ESR1: variants seen among roughly 807,000 people sequenced by gnomAD.
The protein encoded by ESR1 is estrogen receptor.
ESR1 carries 12 observed loss-of-function variants against 52.7 expected under a neutral mutation model. That is an observed-to-expected ratio of 0.23 (90% CI 0.15 to 0.37). The LOEUF (loss-of-function observed/expected upper bound fraction) is 0.37, where lower values mean the gene tolerates loss of function less well. ESR1 is among the 10% of genes least tolerant of loss of function. The probability of loss-of-function intolerance (pLI) is 1.00; values close to 1 mark genes in which losing one functional copy is unlikely to be tolerated. For synonymous variants in ESR1, 305 were observed against 316.8 expected, an observed-to-expected ratio of 0.96 and a Z score of 0.39; for missense variants, 584 against 779.7, an observed-to-expected ratio of 0.75 and a Z score of 2.99.
chr6:151,718,399 G>A (rs1201486729), intron 2 of ESR1, among the ~76,000 whole-genome samples: 1 of 152,218 alleles, frequency 6.6e-6, no homozygotes, highest in Non-Finnish European at 1.5e-5. Flanking sequence ...CAAACAAGAA[G>A]TCTTGGCAAG....
chr6:152,125,441 A>G (rs2053063895), exon 7 of ESR1: 4 of 1,436,134 alleles, frequency 2.8e-6, no homozygotes, highest in Non-Finnish European at 3.7e-6. Flanking sequence ...TTACATGACC[A>G]TGGGCAAGTA....
intron 4 of ESR1, among the ~76,000 whole-genome samples, chr6:151,998,846 A>C (rs1400744974): frequency 1.3e-5 from 2 of 152,106 alleles, no homozygotes; most frequent in Non-Finnish European, 2.9e-5. Flanking sequence ...TCATGTAGCT[A>C]CATGCCATTG....
intron 2 of ESR1, among the ~76,000 whole-genome samples, chr6:151,762,903 G>A (rs1431063575): frequency 6.6e-6 from 1 of 152,074 alleles, no homozygotes; most frequent in East Asian, 1.9e-4. Flanking sequence ...TCACGCCACT[G>A]CACTCTAGCC....
chr6:151,804,284 C>A (rs1357106463), upstream of ESR1: 1 of 152,216 alleles, frequency 6.6e-6, no homozygotes. Context: ...AGTCTCTGAA[C>A]AATCAAAGCC....
intron 4 of ESR1, among the ~76,000 whole-genome samples, chr6:151,948,685 A>T (rs535163426): frequency 6.6e-6 from 1 of 152,086 alleles, no homozygotes; most frequent in Non-Finnish European, 1.5e-5. Context: ...CATTTACTTC[A>T]GGTTGCCTCC....
intron 3 of ESR1, among the ~76,000 whole-genome samples, chr6:151,935,490 C>T (rs535734818): frequency 9.2e-5 from 14 of 152,300 alleles, no homozygotes; most frequent in Admixed American, 2.6e-4. Context: ...TGTCCTATGT[C>T]CAGACTTCAC....
At chr6:151,924,465 A>G (rs1203281353) in intron 3 of ESR1, among the ~76,000 whole-genome samples, 4 of 151,994 alleles carry the variant, frequency 2.6e-5, no homozygotes, top group East Asian at 3.9e-4. Context: ...TTTGGGGTAC[A>G]TATGTACATT....
chr6:152,001,378 T>G (rs915884735), intron 4 of ESR1, among the ~76,000 whole-genome samples: 2 of 152,006 alleles, frequency 1.3e-5, no homozygotes, highest in Non-Finnish European at 2.9e-5. Context: ...AGGGGCTAAC[T>G]CACTTTGTAA....
rs2128984690 is a variant in ESR1 at position 152,070,464 on chromosome 6, A to G, written c.1369+9340A>G. ...TTTTAATGAATTTTTCTTTCCCTGT[A>G]AGACATACTATGAATTGTTCAATGG... On this transcript the variant is annotated intron_variant, in intron 6 of 7. Coordinates refer to ENST00000206249, the MANE Select transcript of ESR1 (RefSeq NM_000125.4). Among the ~76,000 whole-genome samples, 2 of 138,592 alleles carry G rather than the reference A, an allele frequency of 1.4e-5. 1 individual carries two copies. Among genetic ancestry groups the G allele is most frequent in the African/African-American group, 6.3e-5 (2 of 31,560 alleles). The allele number at this position is 138,592 out of a possible 152,430, so 90.9% of individuals were successfully genotyped here.
chr6:151,852,596 A>G (rs1786973675), intron 2 of ESR1, among the ~76,000 whole-genome samples: 1 of 151,924 alleles, frequency 6.6e-6, no homozygotes, highest in African/African-American at 2.4e-5. Flanking sequence ...TGCAGAAACA[A>G]ATATAAGCAT....
rs201510268 is a variant in ESR1 at position 152,035,380 on chromosome 6, TAGC to T, written c.1235+23589_1235+23591del. 1.9e-3 allele frequency among the ~76,000 whole-genome samples: 295 copies of T among 151,934 alleles called. 3 individuals carry two copies. In the East Asian group the frequency reaches 0.052, roughly 27 times the overall value. ...TTTTGGGATGAATTTAATAAAGAAA[TAGC>T]AGGAGCTCTGTAGAAACAAGTATGA... On this transcript the variant is annotated intron_variant, in intron 5 of 7. Coordinates refer to ENST00000206249, the MANE Select transcript of ESR1 (RefSeq NM_000125.4).
At chr6:151,772,325 C>T (rs762773906) in intron 2 of ESR1, among the ~76,000 whole-genome samples, 2 of 152,122 alleles carry the variant, frequency 1.3e-5, no homozygotes, top group Non-Finnish European at 2.9e-5. Context: ...TGAATCTCTC[C>T]AAAGTTTCTT....
intron 5 of ESR1, among the ~76,000 whole-genome samples, chr6:152,030,238 A>G (rs1267167386): frequency 1.3e-5 from 2 of 152,230 alleles, no homozygotes; most frequent in African/African-American, 4.8e-5. Flanking sequence ...ACTAACAAGC[A>G]AAATAAGCAG....
intron 3 of ESR1, among the ~76,000 whole-genome samples, chr6:151,905,288 T>C (rs1797269368): frequency 1.3e-5 from 2 of 152,142 alleles, no homozygotes; most frequent in Admixed American, 6.5e-5. Flanking sequence ...AGGTATGGGC[T>C]GACAAAAGGA....
Position 152,047,374 on chromosome 6 carries a change from A to G in ESR1, c.1236-13617A>G, listed in dbSNP as rs550143931. Among the ~76,000 whole-genome samples, 4 of 152,250 alleles carry G rather than the reference A, an allele frequency of 2.6e-5. No individual in the cohort carries two copies. The East Asian group carries it at 7.7e-4, about 29-fold the overall frequency. ...CCTAGGTCATTAGTTTAGTTATTGG[A>G]ACTCCAACACTGTATTGGAAAAGTG... On this transcript the variant is annotated intron_variant, in intron 5 of 7. Coordinates refer to ENST00000206249, the MANE Select transcript of ESR1 (RefSeq NM_000125.4).
chr6:151,796,717 G>A (rs1776748016), intron 2 of ESR1, among the ~76,000 whole-genome samples: 1 of 152,172 alleles, frequency 6.6e-6, no homozygotes, highest in Non-Finnish European at 1.5e-5. Context: ...TCTGGTGAGG[G>A]CTCAGAAGAG....
chr6:151,817,886 G>T (rs1779935079), intron 1 of ESR1, among the ~76,000 whole-genome samples: 1 of 152,118 alleles, frequency 6.6e-6, no homozygotes, highest in Admixed American at 6.6e-5. Flanking sequence ...ATAACCTCTA[G>T]CATTGTTGAT....
In ESR1 at chr6:151,698,963, A is replaced by T. The variant is rs531630932; in HGVS notation, c.-201-2912A>T. 1.1e-4 allele frequency among the ~76,000 whole-genome samples: 16 copies of T among 152,340 alleles called. No individual in the cohort carries two copies. The South Asian group carries it at 2.1e-3, about 20-fold the overall frequency. ...CTTCACATGTCATTTGTGAAGGGAA[A>T]GACTCCTAGGAAAATGTTTTCTAGG... On this transcript the variant is annotated intron_variant, in intron 1 of 2. Coordinates refer to the ESR1 transcript ENST00000404742.
chr6:151,715,388 G>T (rs1041220369), intron 2 of ESR1, among the ~76,000 whole-genome samples: 1 of 152,190 alleles, frequency 6.6e-6, no homozygotes, highest in African/African-American at 2.4e-5. Context: ...GGCCTGTCTT[G>T]CTAGGTTGGG....
Sources: allele counts gnomAD v4.1 joint callset (sites outside exome capture counted in the v4.1 genomes callset), GRCh38; gene constraint gnomAD v4.1.1; transcripts MANE v1.5; gene names NCBI Gene and HGNC (gene_info 2026-07-23, HGNC 2026-07-21).